Variants in ST14 observed in about 807,000 individuals in gnomAD.
The protein encoded by ST14 is ST14 transmembrane serine protease matriptase, also known as suppressor of tumorigenicity 14 protein.
ST14 carries 40 observed loss-of-function variants against 96.5 expected under a neutral mutation model. The observed-to-expected ratio is 0.41, with a 90% CI of 0.32 to 0.54. The LOEUF is 0.54. Ranked by LOEUF, ST14 falls within the 20% of genes least tolerant of loss-of-function variation. The probability of loss-of-function intolerance (pLI) is 0.17; values close to 1 mark genes in which losing one functional copy is unlikely to be tolerated. For missense variants in ST14, 1,066 were observed against 1,188.9 expected (o/e 0.90, Z 1.52); for synonymous variants, 506 against 492.1 (o/e 1.03, Z -0.37).
rs928762739 is a variant in ST14 at position 130,181,936 on chromosome 11, C to T, written c.82-6178C>T. 6.6e-6 allele frequency among the ~76,000 whole-genome samples: 1 copy of T among 152,254 alleles called. No individual in the cohort carries two copies. The highest frequency in any genetic ancestry group is 1.5e-5 in the Non-Finnish European group (1 of 68,034). ...ACCATTGAGCTAGCGCCACTGCTGACAGCCTCGCTCCGTGGCAGAGTCTGG... is the reference window on the plus strand; with the variant it reads ...ACCATTGAGCTAGCGCCACTGCTGATAGCCTCGCTCCGTGGCAGAGTCTGG... On this transcript the variant is annotated intron_variant, in intron 1 of 18. Transcript: ENST00000278742. This position sits in a 1 kb window ranked among gnomAD's most constrained non-coding sequence, Gnocchi z 4.1.
intron 8 of ST14, 76 bp downstream of exon 8, chr11:130,194,364 G>A (rs1953336876): frequency 3.2e-6 from 5 of 1,585,796 alleles, no homozygotes; most frequent in Non-Finnish European, 4.3e-6. Flanking sequence ...GGTGACCTGA[G>A]CTTAGGAGGC....
chr11:130,161,799 C>T (rs1953000849), intron 1 of ST14, among the ~76,000 whole-genome samples: 1 of 152,206 alleles, frequency 6.6e-6, no homozygotes, highest in Admixed American at 6.5e-5. Flanking sequence ...TACCTAGTCC[C>T]ATGGGTGAAG....
chr11:130,197,364 G>A (rs904433973), intron 11 of ST14, among the ~76,000 whole-genome samples: 7 of 152,246 alleles, frequency 4.6e-5, no homozygotes, highest in Non-Finnish European at 7.3e-5. Context: ...AGATGCCTCC[G>A]GATTTCAGAA....
chr11:130,188,695 G>A lies in ST14; in HGVS notation c.369+38G>A. 6.2e-7 allele frequency: 1 copy of A among 1,613,840 alleles called. No homozygotes were observed. The highest frequency in any genetic ancestry group is 8.5e-7 in the Non-Finnish European group (1 of 1,180,028). ...TGCCCAGAGTCCTGCTGGGCTGTGT[G>A]CGCTGGTGTCCCACCTGCTGGGCAG... On this transcript the variant is annotated intron_variant, in intron 3 of 18. Transcript: ENST00000278742. This position sits in a 1 kb window ranked among gnomAD's most constrained non-coding sequence, Gnocchi z 5.4.
chr11:130,209,198 T>A (rs1953520611), intron 17 of ST14, among the ~76,000 whole-genome samples: 1 of 152,072 alleles, frequency 6.6e-6, no homozygotes, highest in Non-Finnish European at 1.5e-5. Context: ...TCTTGTTCCC[T>A]CACCCCTGCT....
intron 1 of ST14, among the ~76,000 whole-genome samples, chr11:130,176,272 C>T (rs1347402122): frequency 6.6e-6 from 1 of 152,088 alleles, no homozygotes; most frequent in East Asian, 1.9e-4. Flanking sequence ...ATATACCCAC[C>T]CCAAGGGTCA....
At chr11:130,196,519 C>A (rs762651099) in intron 10 of ST14, 51 bp from the exon 11 acceptor site, 3 of 1,517,958 alleles carry the variant, frequency 2.0e-6, no homozygotes, top group Admixed American at 3.5e-5. Context: ...GACCCCCAGC[C>A]CCCCGGCTCC....
chr11:130,179,798 T>G (rs1424355122), intron 1 of ST14, among the ~76,000 whole-genome samples: 1 of 152,138 alleles, frequency 6.6e-6, no homozygotes, highest in East Asian at 1.9e-4. Flanking sequence ...TGCTGTCATC[T>G]CAGGTGGGCT....
chr11:130,208,436 C>T lies in ST14; in HGVS notation c.2021C>T (p.Ala674Val), dbSNP rs770248470. Residue 674 changes from alanine (A) to valine (V), a missense_variant, in exon 17 of 19, where the codon GCC (alanine) becomes GTC (valine). Transcript: ENST00000278742. ...FRYSDPTQWT[A>V]FLGLHDQSQR... ...TACTCAGACCCCACGCAGTGGACGG[C>T]CTTCCTGGGCTTGCACGACCAGAGC... The T allele has an allele frequency of 2.5e-6, 4 of 1,614,136 alleles. No homozygotes were observed. The highest frequency in any genetic ancestry group is 2.2e-5 in the South Asian group (2 of 91,090).
rs750631223 is a variant in ST14, at chr11:130,189,727, C to T, written c.441-12C>T. The T allele has an allele frequency of 6.3e-5, 102 of 1,610,250 alleles. No individual in the cohort carries two copies. The highest frequency in any genetic ancestry group is 1.6e-4 in the Middle Eastern group (1 of 6,082). On this transcript the variant is annotated splice_polypyrimidine_tract_variant and intron_variant, in intron 4 of 18. Transcript: ENST00000278742. ...CCCAGAGCTCCGCCTCAGGCTCCCG[C>T]TCTCTCCCCAGCGAGGGCAGCGTCA...
At chr11:130,161,910 C>T (rs1222619859) in intron 1 of ST14, among the ~76,000 whole-genome samples, 3 of 152,174 alleles carry the variant, frequency 2.0e-5, no homozygotes, top group Non-Finnish European at 2.9e-5. Context: ...AGCTGTGAGG[C>T]GGAGTGTCCA....
intron 15 of ST14, 95 bp downstream of exon 15, chr11:130,199,164 C>CA: frequency 1.5e-6 from 2 of 1,322,016 alleles, no homozygotes; most frequent in African/African-American, 2.9e-5. Flanking sequence ...GCCAGCACCT[C>CA]ACTTAGCAGC....
At chr11:130,189,444 C>T (rs1167496113) in intron 4 of ST14, 12 of 517,952 alleles carry the variant, frequency 2.3e-5, no homozygotes, top group Admixed American at 6.6e-5. Context: ...AGGTGACACT[C>T]GGTGTGTCCT....
intron 8 of ST14, 144 bp downstream of exon 8, chr11:130,194,432 T>G (rs1009034733): frequency 7.3e-7 from 1 of 1,367,682 alleles, no homozygotes; most frequent in Non-Finnish European, 1.0e-6. Context: ...AGGCTGAAGC[T>G]TGAGCCAAAG....
At chr11:130,182,557 T>C (rs1953202872) in intron 1 of ST14, among the ~76,000 whole-genome samples, 1 of 152,034 alleles carries the variant, frequency 6.6e-6, no homozygotes, top group Non-Finnish European at 1.5e-5. Context: ...GTGTTGGCCA[T>C]GCTGGTCTCG....
intron 1 of ST14, among the ~76,000 whole-genome samples, chr11:130,162,831 C>T (rs1046005234): frequency 6.6e-6 from 1 of 152,064 alleles, no homozygotes; most frequent in Non-Finnish European, 1.5e-5. Context: ...GCTGGAAGGG[C>T]CAGGTCAGCA....
chr11:130,198,653 G>A, intron 14 of ST14, 32 bp downstream of exon 14: 1 of 1,597,372 alleles, frequency 6.3e-7, no homozygotes, highest in South Asian at 1.1e-5. Context: ...TTCCTGTTGG[G>A]GGCCTCGCCC....
At chr11:130,194,971 G>A (rs1953345535) in intron 9 of ST14, among the ~76,000 whole-genome samples, 1 of 152,142 alleles carries the variant, frequency 6.6e-6, no homozygotes, top group South Asian at 2.1e-4. Context: ...GAGGCAGCCA[G>A]ATGTCGTGAC....
intron 7 of ST14, among the ~76,000 whole-genome samples, chr11:130,191,439 C>T (rs755851855): frequency 4.6e-4 from 70 of 152,130 alleles, no homozygotes; most frequent in Non-Finnish European, 8.8e-4. Flanking sequence ...CCTGTAAGCC[C>T]AGCACTTTGG....
Sources: gnomAD v4.1 joint callset for allele counts (sites outside exome capture counted in the v4.1 genomes callset) on GRCh38, gnomAD v4.1.1 for gene constraint, Gnocchi (gnomAD v3.1) non-coding constraint, MANE v1.5 for transcripts, NCBI Gene and HGNC (gene_info 2026-07-23, HGNC 2026-07-21) for gene names.